Variants in NAA25 observed in about 807,000 individuals in gnomAD.
The protein encoded by NAA25 is N-terminal acetyltransferase B complex subunit NAA25.
Under a neutral mutation model 132.5 loss-of-function variants are expected in NAA25, and 30 were observed. The observed-to-expected ratio is 0.23, with a 90% CI of 0.17 to 0.31. The LOEUF (loss-of-function observed/expected upper bound fraction) is 0.31. Ranked by LOEUF, NAA25 falls within the 10% of genes least tolerant of loss-of-function variation. NAA25 has a pLI of 1.00. For synonymous variants in NAA25, 359 were observed against 401.9 expected (o/e 0.89, Z 1.28); for missense variants, 771 against 1,150.4 (o/e 0.67, Z 4.77).
At chr12:112,066,559 C>T (rs941460112) in intron 11 of NAA25, among the ~76,000 whole-genome samples, 6 of 152,218 alleles carry the variant, frequency 3.9e-5, no homozygotes, top group African/African-American at 7.2e-5. Flanking sequence ...CAATATCACT[C>T]TGACCTTGAC....
chr12:112,045,868 A>G (rs2078373706), intron 17 of NAA25, among the ~76,000 whole-genome samples: 1 of 152,194 alleles, frequency 6.6e-6, no homozygotes, highest in Admixed American at 6.5e-5. Context: ...AGTATGCAAC[A>G]GAGGCTCCAT....
At chr12:112,037,023 C>A (rs1029287986) in intron 22 of NAA25, among the ~76,000 whole-genome samples, 1 of 151,748 alleles carries the variant, frequency 6.6e-6, no homozygotes, top group East Asian at 1.9e-4. Context: ...AGAAAGGAAC[C>A]AGTGCTCTTG....
At chr12:112,082,502 G>A (rs2078987041) in intron 4 of NAA25, among the ~76,000 whole-genome samples, 1 of 151,672 alleles carries the variant, frequency 6.6e-6, no homozygotes, top group Non-Finnish European at 1.5e-5. Flanking sequence ...AGCCCAGGGA[G>A]GTCAAGGCTA....
intron 22 of NAA25, 50 bp from the exon 23 acceptor site, chr12:112,033,429 A>G (rs1048565962): frequency 6.6e-7 from 1 of 1,504,484 alleles, no homozygotes; most frequent in South Asian, 1.3e-5. Context: ...CATATTACCC[A>G]TATCTACATC....
Position 112,061,381 on chromosome 12 carries a change from T to C in NAA25, c.1157A>G (p.Asn386Ser), listed in dbSNP as rs2078627880. Residue 386 changes from asparagine to serine, a missense_variant, in exon 12 of 24, where the codon AAT becomes AGT. This residue lies in a region of NAA25 where 417 missense variants were observed against 733.8 expected (regional missense o/e 0.57). Coordinates refer to ENST00000261745, the MANE Select transcript of NAA25 (RefSeq NM_024953.4). Reference protein sequence around the residue: ...LPATQCTKFINQLLGVVPLST... With the variant: ...LPATQCTKFISQLLGVVPLST... ...CAAAGGAACAACTCCAAGTAACTGA[T>C]TAATAAACTGCAAAGTGGGGAAAAA... The C allele has an allele frequency of 6.2e-7, 1 of 1,613,390 alleles. No homozygotes were observed.
intron 1 of NAA25, among the ~76,000 whole-genome samples, chr12:112,107,342 A>G (rs1297473651): frequency 6.6e-6 from 1 of 152,112 alleles, no homozygotes; most frequent in Non-Finnish European, 1.5e-5. Context: ...GGCCTTAGAC[A>G]AATTACACAA....
intron 11 of NAA25, among the ~76,000 whole-genome samples, 176 bp downstream of exon 11, chr12:112,068,704 C>T (rs910704229): frequency 2.0e-5 from 3 of 152,162 alleles, no homozygotes; most frequent in African/African-American, 7.2e-5. Flanking sequence ...TGTGACTTAA[C>T]CAGAAATTAT....
chr12:112,102,915 CTT>C (rs2079315026), intron 1 of NAA25, among the ~76,000 whole-genome samples: 1 of 152,142 alleles, frequency 6.6e-6, no homozygotes, highest in Non-Finnish European at 1.5e-5. Flanking sequence ...GTCTCAAACT[CTT>C]GACCTCATGA....
At chr12:112,089,093 T>C (rs1228976732) in intron 3 of NAA25, among the ~76,000 whole-genome samples, 1 of 152,156 alleles carries the variant, frequency 6.6e-6, no homozygotes, top group Non-Finnish European at 1.5e-5. Flanking sequence ...GGTTTTATCT[T>C]TTGTAAAAAT....
At chr12:112,051,638 C>T (rs957670189) in intron 15 of NAA25, among the ~76,000 whole-genome samples, 4 of 152,082 alleles carry the variant, frequency 2.6e-5, no homozygotes, top group African/African-American at 9.7e-5. Context: ...CAATAAAATG[C>T]TATAATTTTA....
At chr12:112,078,885 T>C in intron 5 of NAA25, 144 bp from the exon 6 acceptor site, 1 of 632,354 alleles carries the variant, frequency 1.6e-6, no homozygotes, top group Non-Finnish European at 2.7e-6. Flanking sequence ...AGGAGGTACA[T>C]TACGGAGCAG....
At chr12:112,076,854 G>A (rs1211403520) in intron 7 of NAA25, among the ~76,000 whole-genome samples, 4 of 151,868 alleles carry the variant, frequency 2.6e-5, no homozygotes. Context: ...AAATTAGCCA[G>A]GTTTGATGGC....
chr12:112,055,420 C>T (rs2136843102), intron 13 of NAA25, among the ~76,000 whole-genome samples: 1 of 152,256 alleles, frequency 6.6e-6, no homozygotes, highest in Non-Finnish European at 1.5e-5. Flanking sequence ...GTTAGCTGGA[C>T]ATGGTGGCTC....
At chr12:112,039,763 C>G (rs1164913575) in intron 21 of NAA25, 1 of 162,420 alleles carries the variant, frequency 6.2e-6, no homozygotes, top group African/African-American at 2.4e-5. Context: ...ACCTGCAAAT[C>G]TTAACTTACA....
chr12:112,093,273 C>T lies in NAA25; in HGVS notation c.59-137G>A, dbSNP rs145049985. 1.5e-3 allele frequency: 804 copies of T among 546,120 alleles called. 12 individuals are homozygous for T. The East Asian group carries it at 0.017, about 12-fold the overall frequency. 33.8% of individuals were successfully genotyped at this position (546,120 alleles called of 1,614,324 possible). A position where few individuals can be genotyped will look rare whatever the true frequency, so the allele number is the denominator to read the frequency against. ...ACATCATGGAGGCCGGGCGTGGTGG[C>T]TTACACCTGTAATCCCAGCACTCTG... is the stretch of plus-strand genomic sequence containing the variant. On this transcript the variant is annotated intron_variant, in intron 1 of 23. Coordinates refer to ENST00000261745, the MANE Select transcript of NAA25 (RefSeq NM_024953.4).
intron 16 of NAA25, among the ~76,000 whole-genome samples, 174 bp from the exon 17 acceptor site, chr12:112,047,964 G>T (rs2078411786): frequency 6.6e-6 from 1 of 152,150 alleles, no homozygotes; most frequent in South Asian, 2.1e-4. Flanking sequence ...CAAGAAAAAG[G>T]CTTCTGGAAG....
chr12:112,059,059 G>C (rs1230192619), intron 13 of NAA25, among the ~76,000 whole-genome samples: 1 of 110,686 alleles, frequency 9.0e-6, no homozygotes, highest in Non-Finnish European at 1.7e-5. Context: ...GGGCGACAGA[G>C]CGAGACTCCA....
Position 112,043,838 on chromosome 12 carries a change from G to T in NAA25, c.2037C>A (p.Ser679=), listed in dbSNP as rs1402130203. The change falls in exon 18 of 24, where the codon TCC becomes TCA. Residue 679 remains serine, a synonymous_variant. Transcript: ENST00000261745. ...RDVSEEHKKL[S]LEEETLWLRI... Reference sequence around the variant, plus strand: ...TTAACCACAAGGTCTCCTCCTCTAAGGAAAGTTTCTTATGTTCTTCAGAAA... The same window carrying T: ...TTAACCACAAGGTCTCCTCCTCTAATGAAAGTTTCTTATGTTCTTCAGAAA... The T allele has an allele frequency of 6.2e-7, 1 of 1,613,632 alleles. No individual in the cohort carries two copies. The highest frequency in any genetic ancestry group is 1.7e-5 in the Admixed American group (1 of 59,996).
rs1450105869 is a variant in NAA25, at chr12:112,027,180, A to G, written c.*2351T>C. On this transcript the variant is annotated 3_prime_UTR_variant, in exon 24 of 24. Transcript: ENST00000261745. ...TTTTTAAATATCAGTTTACCACACA[A>G]AAACAAACAAAACAAAAAAACCCAT... 1 of 152,534 alleles carries G rather than the reference A, an allele frequency of 6.6e-6. No individual in the cohort carries two copies. The highest frequency in any genetic ancestry group is 2.4e-5 in the African/African-American group (1 of 41,436). 9.4% of individuals were successfully genotyped at this position (152,534 alleles called of 1,614,324 possible).
Sources: gnomAD v4.1 joint callset for allele counts (sites outside exome capture counted in the v4.1 genomes callset) on GRCh38, gnomAD v4.1.1 for gene constraint, gnomAD v4.1.1 regional missense constraint, MANE v1.5 for transcripts, NCBI Gene and HGNC (gene_info 2026-07-23, HGNC 2026-07-21) for gene names.